The following PCDH7 variants were observed in gnomAD, a reference collection of about 807,000 sequenced individuals.
PCDH7 encodes the protein protocadherin 7, also known as protocadherin-7.
PCDH7 carries 17 observed loss-of-function variants against 58.9 expected under a neutral mutation model. That is an observed-to-expected ratio of 0.29 (90% CI 0.20 to 0.43). The LOEUF is 0.43. PCDH7 is among the 20% of genes least tolerant of loss of function. The pLI is 1.00. For missense variants in PCDH7, 1,274 were observed against 1,441.0 expected (o/e 0.88, Z 1.88); for synonymous variants, 664 against 616.4 (o/e 1.08, Z -1.14).
intron 3 of PCDH7, among the ~76,000 whole-genome samples, chr4:31,056,650 AAG>A (rs1359229874): frequency 2.1e-5 from 3 of 144,846 alleles, no homozygotes; most frequent in African/African-American, 7.6e-5. Flanking sequence ...GAGAGAGAGA[AAG>A]AGAGAGAGGA....
rs909339070 is a variant in PCDH7 at position 30,745,746 on chromosome 4, A to G, written c.70+21150A>G. Among the ~76,000 whole-genome samples the G allele has an allele frequency of 2.6e-5, 4 of 152,002 alleles. No individual in the cohort carries two copies. In the East Asian group the frequency reaches 7.7e-4, roughly 29 times the overall value. On this transcript the variant is annotated intron_variant, in intron 1 of 3. Transcript: ENST00000509759. ...TTCTTATTTAGTGCTGATATCATCC[A>G]GGATCAAATTACTCAGTTTATTTGT...
At chr4:30,932,697 G>T (rs1744794176) in intron 2 of PCDH7, among the ~76,000 whole-genome samples, 1 of 152,098 alleles carries the variant, frequency 6.6e-6, no homozygotes, top group Non-Finnish European at 1.5e-5. Context: ...ACAAGAGCAG[G>T]CTACCTGGCT....
intron 1 of PCDH7, among the ~76,000 whole-genome samples, chr4:30,863,590 A>C (rs1388631966): frequency 2.0e-5 from 3 of 152,108 alleles, no homozygotes; most frequent in Non-Finnish European, 4.4e-5. Flanking sequence ...CTGCCTCCTG[A>C]CGTATCTTAC....
intron 3 of PCDH7, among the ~76,000 whole-genome samples, chr4:31,124,456 A>G (rs548745237): frequency 6.6e-6 from 1 of 152,280 alleles, no homozygotes; most frequent in South Asian, 2.1e-4. Context: ...CTAAATCACA[A>G]GTGAAAGTGA....
At position 31,142,752 on chromosome 4, in the gene PCDH7, A is replaced by C. The variant is rs769922163; in HGVS notation, c.*287A>C. The C allele has an allele frequency of 3.7e-6, 5 of 1,367,502 alleles. No homozygotes were observed. The Admixed American group carries it at 7.6e-5, about 21-fold the overall frequency. 84.7% of individuals were successfully genotyped at this position (1,367,502 alleles called of 1,614,324 possible). ...TTCAGTGCAGCTAGTTTCAGCAAAAATGAGGAAGCCAACCCTGAGGATATT... is the reference window on the plus strand; with the variant it reads ...TTCAGTGCAGCTAGTTTCAGCAAAACTGAGGAAGCCAACCCTGAGGATATT... On this transcript the variant is annotated 3_prime_UTR_variant, in exon 4 of 4. Transcript: ENST00000509759.
intron 1 of PCDH7, among the ~76,000 whole-genome samples, chr4:30,789,815 G>T (rs186422845): frequency 6.5e-4 from 99 of 152,184 alleles, no homozygotes; most frequent in African/African-American, 1.6e-3. Flanking sequence ...AAGATTAGAC[G>T]AGAGAGTTGC....
chr4:31,114,758 T>C (rs533251818), intron 3 of PCDH7, among the ~76,000 whole-genome samples: 4 of 151,864 alleles, frequency 2.6e-5, no homozygotes, highest in Non-Finnish European at 5.9e-5. Context: ...GGTGAACATA[T>C]ACAGCTAATA....
intron 3 of PCDH7, among the ~76,000 whole-genome samples, chr4:31,045,123 T>C (rs1437405461): frequency 6.6e-6 from 1 of 151,410 alleles, no homozygotes; most frequent in Non-Finnish European, 1.5e-5. Flanking sequence ...TATTCTAGCA[T>C]GGTGGTGACA....
intron 3 of PCDH7, among the ~76,000 whole-genome samples, chr4:31,002,756 A>G (rs1752452944): frequency 6.6e-6 from 1 of 152,204 alleles, no homozygotes; most frequent in Admixed American, 6.5e-5. Flanking sequence ...GGGAAGAATG[A>G]TGCATGTATC....
chr4:30,889,137 C>CAAAAAAAAAA (rs371917620), intron 1 of PCDH7, among the ~76,000 whole-genome samples: 3 of 49,980 alleles, frequency 6.0e-5, no homozygotes, highest in Non-Finnish European at 1.2e-4. Context: ...GCAGATATCT[C>CAAAAAAAAAA]AAAAAAAAAA....
chr4:30,853,165 G>A (rs971903550), intron 1 of PCDH7, among the ~76,000 whole-genome samples: 5 of 152,010 alleles, frequency 3.3e-5, no homozygotes, highest in Non-Finnish European at 7.4e-5. Context: ...AAAAAACTAG[G>A]CCTTTGGAGT....
At position 30,723,701 on chromosome 4, in the gene PCDH7, G is replaced by A; in HGVS notation, c.2279G>A (p.Arg760Lys). ...TTACTGCCACCTTCGAGTAATGTCAGGACAGTAGTAGCTACAGTGTTGGCA... is the reference window on the plus strand; with the variant it reads ...TTACTGCCACCTTCGAGTAATGTCAAGACAGTAGTAGCTACAGTGTTGGCA... The change falls in exon 1 of 2, where the codon AGG (arginine) becomes AAG (lysine). Residue 760 changes from arginine (R) to lysine (K), a missense_variant. Physicochemically the swap from Arg to Lys is conservative, Grantham distance 26 (BLOSUM62 2). Transcript: ENST00000361762. The surrounding 1 kb of genome is among the most constrained non-coding windows in gnomAD (Gnocchi z 4.6). 1 of 1,614,120 alleles carries A rather than the reference G, an allele frequency of 6.2e-7. No individual in the cohort carries two copies. Among genetic ancestry groups the A allele is most frequent in the Non-Finnish European group, 8.5e-7 (1 of 1,179,992 alleles).
intron 2 of PCDH7, among the ~76,000 whole-genome samples, chr4:30,949,633 T>A (rs1747128950): frequency 6.6e-6 from 1 of 152,112 alleles, no homozygotes; most frequent in Admixed American, 6.6e-5. Flanking sequence ...AAGTTGAAGT[T>A]GTTTTCATGT....
chr4:30,983,318 G>A (rs1328893069), intron 3 of PCDH7, among the ~76,000 whole-genome samples: 1 of 152,076 alleles, frequency 6.6e-6, no homozygotes, highest in Non-Finnish European at 1.5e-5. Context: ...TAGCAATTTT[G>A]TTTTAAACTA....
chr4:30,799,273 T>C (rs1367198481), intron 1 of PCDH7, among the ~76,000 whole-genome samples: 2 of 152,228 alleles, frequency 1.3e-5, no homozygotes, highest in Non-Finnish European at 2.9e-5. Context: ...AGGGGCTGTC[T>C]AGCATTTCAA....
At chr4:30,791,850 C>A (rs1724156861) in intron 1 of PCDH7, among the ~76,000 whole-genome samples, 1 of 152,132 alleles carries the variant, frequency 6.6e-6, no homozygotes, top group Admixed American at 6.5e-5. Flanking sequence ...TATCCACAGT[C>A]ATAAGGGTAT....
chr4:31,088,536 G>A lies in PCDH7; in HGVS notation c.*8-53937G>A, dbSNP rs914093697. Among the ~76,000 whole-genome samples, 8 of 151,980 alleles carry A rather than the reference G, an allele frequency of 5.3e-5. No homozygotes were observed. The East Asian group carries it at 9.7e-4, about 18-fold the overall frequency. ...ATACACCTTCTCTCTCCTAGGCCTC[G>A]TGAAGGCAAGAGTTATTATTTAATG... On this transcript the variant is annotated intron_variant, in intron 3 of 3. Coordinates refer to the PCDH7 transcript ENST00000509759.
At chr4:30,809,352 G>A (rs918754025) in intron 1 of PCDH7, among the ~76,000 whole-genome samples, 5 of 152,032 alleles carry the variant, frequency 3.3e-5, no homozygotes, top group Non-Finnish European at 5.9e-5. Context: ...CTGAAAAGAG[G>A]GAAAGGGAAG....
At chr4:30,940,246 G>A (rs1214708655) in intron 2 of PCDH7, among the ~76,000 whole-genome samples, 3 of 151,464 alleles carry the variant, frequency 2.0e-5, no homozygotes, top group African/African-American at 7.3e-5. Context: ...TGCTTTTTTT[G>A]TCTTGAATTT....
Sources: allele counts gnomAD v4.1 joint callset (sites outside exome capture counted in the v4.1 genomes callset), GRCh38; gene constraint gnomAD v4.1.1; non-coding constraint Gnocchi (gnomAD v3.1); transcripts MANE v1.5; gene names NCBI Gene and HGNC (gene_info 2026-07-23, HGNC 2026-07-21).